The following ITPR2 variants were observed in gnomAD, a reference collection of about 807,000 sequenced individuals.
ITPR2 encodes the protein inositol 1,4,5-trisphosphate receptor type 2.
ITPR2 carries 207 observed loss-of-function variants against 317.1 expected under a neutral mutation model. The observed-to-expected ratio is 0.65, with a 90% CI of 0.58 to 0.73. The LOEUF (loss-of-function observed/expected upper bound fraction) is 0.73, where lower values mean the gene tolerates loss of function less well. ITPR2 is among the 30% of genes least tolerant of loss of function. The pLI, the probability that ITPR2 is intolerant of heterozygous loss-of-function variation, is 0.00. For synonymous variants in ITPR2, 1,156 were observed against 1,149.1 expected, an observed-to-expected ratio of 1.01 and a Z score of -0.12; for missense variants, 2,613 against 3,284.0, an observed-to-expected ratio of 0.80 and a Z score of 4.99.
At chr12:26,514,729 A>G (rs1240419094) in intron 37 of ITPR2, among the ~76,000 whole-genome samples, 2 of 152,240 alleles carry the variant, frequency 1.3e-5, no homozygotes, top group Non-Finnish European at 2.9e-5. Context: ...TTAAGTATAA[A>G]GCTTCACCTT....
At chr12:26,474,637 CA>C (rs1163081641) in intron 45 of ITPR2, among the ~76,000 whole-genome samples, 1 of 150,920 alleles carries the variant, frequency 6.6e-6, no homozygotes, top group Non-Finnish European at 1.5e-5. Context: ...ACTAAAAATA[CA>C]AAAAAATTAG....
chr12:26,737,821 A>T (rs1949155437), intron 2 of ITPR2, among the ~76,000 whole-genome samples: 1 of 152,198 alleles, frequency 6.6e-6, no homozygotes, highest in East Asian at 1.9e-4. Flanking sequence ...TATTACTTCC[A>T]ACTTTACATT....
intron 34 of ITPR2, among the ~76,000 whole-genome samples, chr12:26,564,774 G>A (rs528929969): frequency 6.6e-6 from 1 of 152,296 alleles, no homozygotes; most frequent in African/African-American, 2.4e-5. Context: ...ATTCTTCCCT[G>A]GAGCCTTCAG....
chr12:26,827,046 C>T (rs1287138319), intron 1 of ITPR2, among the ~76,000 whole-genome samples: 1 of 152,196 alleles, frequency 6.6e-6, no homozygotes, highest in Non-Finnish European at 1.5e-5. Context: ...GTGGACAGCA[C>T]ATCCCAAGAC....
At chr12:26,411,834 G>T (rs550964517) in intron 51 of ITPR2, among the ~76,000 whole-genome samples, 86 of 152,206 alleles carry the variant, frequency 5.7e-4, no homozygotes, top group African/African-American at 1.8e-3. Context: ...TGCTGGTAGT[G>T]GTTCTAACAG....
intron 43 of ITPR2, among the ~76,000 whole-genome samples, chr12:26,477,400 A>G (rs1245662132): frequency 6.6e-6 from 1 of 152,176 alleles, no homozygotes; most frequent in African/African-American, 2.4e-5. Flanking sequence ...GAAATGGTAT[A>G]CAATTTAAAG....
Position 26,599,127 on chromosome 12 carries a change from G to A in ITPR2, c.4002+18C>T. 6.2e-7 allele frequency: 1 copy of A among 1,610,626 alleles called. No homozygotes were observed. Among genetic ancestry groups the A allele is most frequent in the East Asian group, 2.2e-5 (1 of 44,850 alleles). ...TACTGTTTAGGTGAAGCTGATAAAA[G>A]GCAAACTGAGAACATACCTCTGTCA... On this transcript the variant is annotated intron_variant, in intron 30 of 56. Coordinates refer to ENST00000381340, the MANE Select transcript of ITPR2 (RefSeq NM_002223.4).
chr12:26,543,187 A>C (rs2136987424), intron 37 of ITPR2, among the ~76,000 whole-genome samples: 1 of 152,288 alleles, frequency 6.6e-6, no homozygotes, highest in Non-Finnish European at 1.5e-5. Flanking sequence ...TTCCTGCTCC[A>C]ACCTCATCAG....
intron 2 of ITPR2, among the ~76,000 whole-genome samples, chr12:26,781,208 G>A (rs1315572759): frequency 1.3e-5 from 2 of 152,220 alleles, no homozygotes; most frequent in African/African-American, 4.8e-5. Context: ...ACGACATGCT[G>A]AGGTGTTTGC....
intron 9 of ITPR2, among the ~76,000 whole-genome samples, chr12:26,707,823 C>G (rs552125952): frequency 6.6e-6 from 1 of 152,164 alleles, no homozygotes; most frequent in South Asian, 2.1e-4. Context: ...AGCCACCGCG[C>G]CTGGCCAACC....
intron 21 of ITPR2, among the ~76,000 whole-genome samples, chr12:26,651,099 G>A (rs1947242593): frequency 6.6e-6 from 1 of 151,940 alleles, no homozygotes; most frequent in Admixed American, 6.5e-5. Flanking sequence ...TTACCATTCT[G>A]GATAATTACA....
At chr12:26,766,296 T>TG (rs953664112) in intron 2 of ITPR2, among the ~76,000 whole-genome samples, 1 of 151,752 alleles carries the variant, frequency 6.6e-6, no homozygotes, top group African/African-American at 2.4e-5. Context: ...TTTTATTATC[T>TG]GTTTTTTTTT....
chr12:26,424,586 G>GTTTTTTTTTTTTTTTTTTTTTT (rs775756580), intron 49 of ITPR2, among the ~76,000 whole-genome samples: 13 of 88,706 alleles, frequency 1.5e-4, no homozygotes, highest in East Asian at 3.4e-4. Context: ...TTCGTTTTGT[G>GTTTTTTTTTTTTTTTTTTTTTT]TTTTTTTTTT....
At chr12:26,696,023 T>C (rs752993416) in intron 9 of ITPR2, among the ~76,000 whole-genome samples, 11 of 152,084 alleles carry the variant, frequency 7.2e-5, no homozygotes, top group Non-Finnish European at 1.6e-4. Flanking sequence ...CAGTGGGACA[T>C]TGATGATTTG....
chr12:26,650,262 C>A (rs938033999), intron 21 of ITPR2, among the ~76,000 whole-genome samples: 2 of 152,068 alleles, frequency 1.3e-5, no homozygotes, highest in Non-Finnish European at 2.9e-5. Flanking sequence ...AGAAAAAGAT[C>A]AGCAGTTGCC....
rs934636977 is a variant in ITPR2, at chr12:26,646,744, T to G, written c.2740+7232A>C. On this transcript the variant is annotated intron_variant, in intron 21 of 56. Transcript: ENST00000381340. ...GCCAAAGGCACTTCATTTCCAACTCTGAATCCTCAAAGAAAAAGAAATCCT... is the reference window on the plus strand; with the variant it reads ...GCCAAAGGCACTTCATTTCCAACTCGGAATCCTCAAAGAAAAAGAAATCCT... Among the ~76,000 whole-genome samples the G allele has an allele frequency of 7.2e-5, 11 of 152,304 alleles. No individual in the cohort carries two copies. In the South Asian group the frequency reaches 2.3e-3, roughly 32 times the overall value.
intron 55 of ITPR2, among the ~76,000 whole-genome samples, chr12:26,366,946 A>T (rs997950708): frequency 3.9e-5 from 6 of 152,308 alleles, no homozygotes; most frequent in Non-Finnish European, 8.8e-5. Context: ...GCGATTAAAA[A>T]AAATGACAGT....
At chr12:26,722,954 T>G (rs1948861772) in intron 4 of ITPR2, among the ~76,000 whole-genome samples, 1 of 152,154 alleles carries the variant, frequency 6.6e-6, no homozygotes, top group African/African-American at 2.4e-5. Context: ...ACTCAAATAA[T>G]GCACCAACCC....
At chr12:26,442,476 G>C (rs1256464317) in intron 46 of ITPR2, among the ~76,000 whole-genome samples, 3 of 151,994 alleles carry the variant, frequency 2.0e-5, no homozygotes, top group Non-Finnish European at 4.4e-5. Context: ...TCTCTCACCC[G>C]CATTAACCAA....
Sources: allele counts gnomAD v4.1 joint callset (sites outside exome capture counted in the v4.1 genomes callset), GRCh38; gene constraint gnomAD v4.1.1; transcripts MANE v1.5; gene names NCBI Gene and HGNC (gene_info 2026-07-23, HGNC 2026-07-21).